The following SAG variants were observed in gnomAD, a reference collection of about 807,000 sequenced individuals.
The protein encoded by SAG is S-antigen visual arrestin.
In SAG, 45 loss-of-function variants were observed where a neutral mutation model predicts 55.0. The ratio of observed to expected loss-of-function variants is 0.82; its 90% CI spans 0.64 to 1.05. SAG has a LOEUF of 1.05. Ranked by LOEUF, SAG falls within the 50% of genes least tolerant of loss-of-function variation. The pLI is 0.00. For missense variants in SAG, 455 were observed against 512.1 expected (o/e 0.89, Z 1.08); for synonymous variants, 189 against 197.4 (o/e 0.96, Z 0.36).
Position 233,316,148 on chromosome 2 carries a change from G to T in SAG, c.136+13G>T. On this transcript the variant is annotated intron_variant, in intron 3 of 15. Transcript: ENST00000409110. ...GTCCAGCCTGTGGGTAAGTTGCTTG[G>T]AGAAAACTGTAATGCTGGTTTTCCT... is the stretch of plus-strand genomic sequence containing the variant. 1 of 1,525,796 alleles carries T rather than the reference G, an allele frequency of 6.6e-7. No individual in the cohort carries two copies. Among genetic ancestry groups the T allele is most frequent in the Non-Finnish European group, 9.0e-7 (1 of 1,108,456 alleles). 94.5% of individuals were successfully genotyped at this position (1,525,796 alleles called of 1,614,324 possible).
At chr2:233,330,698 A>C (rs1252036497) in intron 9 of SAG, among the ~76,000 whole-genome samples, 1 of 151,696 alleles carries the variant, frequency 6.6e-6, no homozygotes, top group Non-Finnish European at 1.5e-5. Flanking sequence ...TGCCTGGCTA[A>C]TTTTGTATTT....
At chr2:233,331,538 C>T in intron 9 of SAG, 102 bp from the exon 10 acceptor site, 1 of 769,014 alleles carries the variant, frequency 1.3e-6, no homozygotes, top group South Asian at 1.5e-5. Flanking sequence ...GGGAAACCAT[C>T]ATCAGAGAGG....
intron 10 of SAG, 41 bp from the exon 11 acceptor site, chr2:233,334,921 G>A: frequency 6.2e-7 from 1 of 1,610,168 alleles, no homozygotes; most frequent in South Asian, 1.1e-5. Flanking sequence ...GTCCATGGCA[G>A]CTTTGATGGT....
intron 8 of SAG, 36 bp from the exon 9 acceptor site, chr2:233,329,457 G>A: frequency 1.5e-6 from 2 of 1,307,022 alleles, no homozygotes; most frequent in Non-Finnish European, 2.2e-6. Flanking sequence ...CGCCACATCT[G>A]TTCTCTTCTT....
Position 233,340,435 on chromosome 2 carries a change from C to A in SAG, c.1023-20C>A, listed in dbSNP as rs933190889. ...TACCACTGTGACAGTTAACGACAGG[C>A]GTTTGTTTGTGTTTTCTAGCTTTCT... On this transcript the variant is annotated intron_variant, in intron 12 of 15. Transcript: ENST00000409110. The surrounding 1 kb of genome is among the most constrained non-coding windows in gnomAD (Gnocchi z 4.2). 1.9e-6 allele frequency: 3 copies of A among 1,608,300 alleles called. No homozygotes were observed. Among genetic ancestry groups the A allele is most frequent in the East Asian group, 4.5e-5 (2 of 44,798 alleles).
chr2:233,321,110 A>G (rs138576199), intron 5 of SAG, among the ~76,000 whole-genome samples: 2 of 152,336 alleles, frequency 1.3e-5, no homozygotes, highest in African/African-American at 4.8e-5. Context: ...GCTAAGCTCG[A>G]AAAAGAAAGC....
intron 1 of SAG, 179 bp from the exon 2 acceptor site, chr2:233,308,983 G>C: frequency 2.0e-6 from 1 of 505,932 alleles, no homozygotes; most frequent in Non-Finnish European, 3.6e-6. Context: ...GCATGCTGCA[G>C]TAAAATACAA....
chr2:233,337,671 C>T (rs535380900), intron 11 of SAG, among the ~76,000 whole-genome samples: 1 of 152,314 alleles, frequency 6.6e-6, no homozygotes, highest in Admixed American at 6.5e-5. Context: ...TTCTTCCAGG[C>T]CCAGCACCTG....
chr2:233,329,789 C>G (rs1471019347), intron 9 of SAG, among the ~76,000 whole-genome samples: 2 of 152,200 alleles, frequency 1.3e-5, no homozygotes, highest in African/African-American at 4.8e-5. Context: ...TGGTTTTTGT[C>G]TTGGAACAAA....
intron 10 of SAG, chr2:233,334,007 T>G (rs957944324): frequency 6.6e-6 from 1 of 152,206 alleles, no homozygotes; most frequent in Non-Finnish European, 1.5e-5. Context: ...AGCCTTAGAA[T>G]GGTCCTGATG....
intron 2 of SAG, among the ~76,000 whole-genome samples, chr2:233,309,902 G>A (rs567793730): frequency 6.6e-6 from 1 of 152,244 alleles, no homozygotes; most frequent in South Asian, 2.1e-4. Context: ...ACACAGTTTT[G>A]TCAGTACCTG....
chr2:233,311,071 C>T (rs1700065135), intron 2 of SAG, among the ~76,000 whole-genome samples: 2 of 152,108 alleles, frequency 1.3e-5, no homozygotes, highest in Admixed American at 1.3e-4. Flanking sequence ...CCCCTTGCTC[C>T]TAGATTTTCC....
At position 233,319,798 on chromosome 2, in the gene SAG, C is replaced by T; in HGVS notation, c.182-832C>T. 5.1e-6 allele frequency: 5 copies of T among 985,656 alleles called. No homozygotes were observed. Among genetic ancestry groups the T allele is most frequent in the Non-Finnish European group, 6.0e-6 (5 of 829,948 alleles). 61.1% of individuals were successfully genotyped at this position (985,656 alleles called of 1,614,324 possible). A position where few individuals can be genotyped will look rare whatever the true frequency, so the allele number is the denominator to read the frequency against. On this transcript the variant is annotated intron_variant, in intron 4 of 15. Transcript: ENST00000409110. This position sits in a 1 kb window ranked among gnomAD's most constrained non-coding sequence, Gnocchi z 4.4. Reference sequence around the variant, plus strand: ...GTGGTCTCTGGGCACCTTCTTAGTCCTGAGCTTGAATGAGGGGCGAGTGAG... The same window carrying T: ...GTGGTCTCTGGGCACCTTCTTAGTCTTGAGCTTGAATGAGGGGCGAGTGAG...
chr2:233,334,584 G>T, intron 10 of SAG: 1 of 190,132 alleles, frequency 5.3e-6, no homozygotes, highest in Non-Finnish European at 1.1e-5. Flanking sequence ...GAGGCTTTCT[G>T]GCCTGGACTC....
Position 233,340,779 on chromosome 2 carries a change from G to A in SAG, c.1046+301G>A, listed in dbSNP as rs919204067. Among the ~76,000 whole-genome samples, 2 of 151,808 alleles carry A rather than the reference G, an allele frequency of 1.3e-5. No individual in the cohort carries two copies. Among genetic ancestry groups the A allele is most frequent in the Non-Finnish European group, 2.9e-5 (2 of 67,970 alleles). On this transcript the variant is annotated intron_variant, in intron 13 of 15. Transcript: ENST00000409110. This position sits in a 1 kb window ranked among gnomAD's most constrained non-coding sequence, Gnocchi z 4.2. ...TGTGTGTGTGTGTGTGTTTGTGTGCGGTAAAATACACATAACATAAATTTT... is the reference window on the plus strand; with the variant it reads ...TGTGTGTGTGTGTGTGTTTGTGTGCAGTAAAATACACATAACATAAATTTT...
At chr2:233,308,882 C>T (rs1700004838) in intron 1 of SAG, among the ~76,000 whole-genome samples, 2 of 152,174 alleles carry the variant, frequency 1.3e-5, no homozygotes, top group Non-Finnish European at 1.5e-5. Flanking sequence ...AAAGTAAAAC[C>T]TCATTGGAAT....
chr2:233,331,576 G>T, intron 9 of SAG, 64 bp from the exon 10 acceptor site: 2 of 1,030,110 alleles, frequency 1.9e-6, no homozygotes, highest in Non-Finnish European at 3.1e-6. Context: ...CTGGGAGGCC[G>T]CAGGGAAAGT....
chr2:233,318,208 A>G (rs75476171), intron 3 of SAG, among the ~76,000 whole-genome samples: 5,373 of 152,124 alleles, frequency 0.035, 351 homozygotes, highest in African/African-American at 0.12. Flanking sequence ...TCTATTACCC[A>G]GGCTGGAGTG....
rs548086174 is a variant in SAG at position 233,328,467 on chromosome 2, G to C, written c.513-11G>C. The C allele has an allele frequency of 1.5e-5, 24 of 1,610,078 alleles. No individual in the cohort carries two copies. Among genetic ancestry groups the C allele is most frequent in the Middle Eastern group, 3.3e-4 (2 of 6,046 alleles). On this transcript the variant is annotated splice_polypyrimidine_tract_variant and intron_variant, in intron 7 of 15. Transcript: ENST00000409110. The stretch of plus-strand genomic sequence containing the variant: ...GCCAATCCCTGGCTTGTCTGTGGCT[G>C]TTTCCCACAGGAGCTCCGTGCGATT...
Sources: gnomAD v4.1 joint callset for allele counts (sites outside exome capture counted in the v4.1 genomes callset) on GRCh38, gnomAD v4.1.1 for gene constraint, Gnocchi (gnomAD v3.1) non-coding constraint, MANE v1.5 for transcripts, NCBI Gene and HGNC (gene_info 2026-07-23, HGNC 2026-07-21) for gene names.